NPEPL1: variants seen among roughly 807,000 people sequenced by gnomAD.
The protein encoded by NPEPL1 is probable aminopeptidase NPEPL1.
A neutral mutation model predicts 52.4 loss-of-function variants in NPEPL1; 45 were observed. The observed-to-expected ratio is 0.86, with a 90% CI of 0.68 to 1.10. The LOEUF (loss-of-function observed/expected upper bound fraction) is 1.10. Among genes scored for constraint, NPEPL1 ranks in the 50% least tolerant of loss-of-function variants. NPEPL1 has a pLI of 0.00. For missense variants in NPEPL1, 696 were observed against 710.9 expected (o/e 0.98, Z 0.24); for synonymous variants, 360 against 314.7 (o/e 1.14, Z -1.52).
rs1289770912 is a variant in NPEPL1 at position 58,715,645 on chromosome 20, G to A, written c.*319G>A. The A allele has an allele frequency of 4.1e-6, 1 of 244,376 alleles. No individual in the cohort carries two copies. Among genetic ancestry groups the A allele is most frequent in the Non-Finnish European group, 7.8e-6 (1 of 127,790 alleles). 15.1% of individuals were successfully genotyped at this position (244,376 alleles called of 1,614,324 possible). On this transcript the variant is annotated 3_prime_UTR_variant, in exon 12 of 12. Transcript: ENST00000356091. The stretch of plus-strand genomic sequence containing the variant: ...GCCTGGTGCCCTGTCCCAGCCCCAG[G>A]TCCTGTGCAGGGCACCTGCGTGGCT...
In NPEPL1 at chr20:58,698,348, C is replaced by T. The variant is rs73124367; in HGVS notation, c.508-336C>T. 2.4e-3 allele frequency among the ~76,000 whole-genome samples: 366 copies of T among 152,214 alleles called. 2 individuals carry two copies. The highest frequency in any genetic ancestry group is 4.3e-3 in the Non-Finnish European group (290 of 68,014). ...GGCTGGCATGAGGGCCACCTACCTTCAGTTGTAGCTGGAATCAGGGGAGAA... is the reference window on the plus strand; with the variant it reads ...GGCTGGCATGAGGGCCACCTACCTTTAGTTGTAGCTGGAATCAGGGGAGAA... On this transcript the variant is annotated intron_variant, in intron 3 of 11. Coordinates refer to ENST00000356091, the MANE Select transcript of NPEPL1 (RefSeq NM_024663.4).
intron 6 of NPEPL1, chr20:58,705,580 G>T: frequency 4.4e-6 from 2 of 455,686 alleles, no homozygotes; most frequent in Non-Finnish European, 8.8e-6. Flanking sequence ...GTAAGTGTCA[G>T]CCCCGTGAAA....
intron 7 of NPEPL1, chr20:58,711,511 AC>A (rs1362542886): frequency 1.3e-5 from 2 of 152,236 alleles, no homozygotes; most frequent in East Asian, 3.9e-4. Context: ...TGTGGAGCTG[AC>A]AGGTGGCTCC....
intron 1 of NPEPL1, 55 bp from the exon 2 acceptor site, chr20:58,693,682 T>C: frequency 6.6e-7 from 1 of 1,518,466 alleles, no homozygotes; most frequent in Non-Finnish European, 9.0e-7. Context: ...CAGGGCCTCC[T>C]GGCACGTGGC....
At chr20:58,697,552 G>A (rs1362805494) in intron 3 of NPEPL1, among the ~76,000 whole-genome samples, 2 of 152,200 alleles carry the variant, frequency 1.3e-5, no homozygotes, top group Non-Finnish European at 2.9e-5. Flanking sequence ...GTATCGACCC[G>A]GCGCCTGCTG....
chr20:58,690,776 A>T (rs1401033459), upstream of NPEPL1, among the ~76,000 whole-genome samples: 1 of 152,216 alleles, frequency 6.6e-6, no homozygotes, highest in Non-Finnish European at 1.5e-5. Flanking sequence ...AATATGAAAG[A>T]ATTCTAAAAG....
intron 7 of NPEPL1, 63 bp downstream of exon 7, chr20:58,707,263 CTCCCCTG>C (rs1224679376): frequency 7.2e-7 from 1 of 1,394,768 alleles, no homozygotes; most frequent in African/African-American, 1.4e-5. Context: ...GTGCTCCCCT[CTCCCCTG>C]TCCGTCCCGC....
chr20:58,690,967 C>A, upstream of NPEPL1: 1 of 575,944 alleles, frequency 1.7e-6, no homozygotes, highest in South Asian at 2.2e-5. Flanking sequence ...TTTCCAGGAA[C>A]CTTCTGTTCT....
At chr20:58,702,204 AT>A (rs1334908118) in intron 6 of NPEPL1, among the ~76,000 whole-genome samples, 1 of 152,244 alleles carries the variant, frequency 6.6e-6, no homozygotes, top group Non-Finnish European at 1.5e-5. Context: ...CAAAGCCTGG[AT>A]TTCCGGCCTT....
intron 1 of NPEPL1, chr20:58,693,469 T>TC: frequency 2.5e-6 from 1 of 402,594 alleles, no homozygotes; most frequent in Non-Finnish European, 4.4e-6. Context: ...CTAAGCCCTA[T>TC]CCGAGTGTTG....
chr20:58,702,331 G>A (rs1367947483), intron 6 of NPEPL1, among the ~76,000 whole-genome samples: 1 of 152,170 alleles, frequency 6.6e-6, no homozygotes. Context: ...TTTGCGGTAG[G>A]CCCCACCACT....
At chr20:58,709,726 C>T (rs1164530504) in intron 7 of NPEPL1, among the ~76,000 whole-genome samples, 5 of 152,200 alleles carry the variant, frequency 3.3e-5, no homozygotes, top group Non-Finnish European at 7.3e-5. Flanking sequence ...GGATTCCCAC[C>T]AAAAATGCAT....
At chr20:58,704,560 A>G (rs1448727481) in intron 6 of NPEPL1, among the ~76,000 whole-genome samples, 1 of 152,262 alleles carries the variant, frequency 6.6e-6, no homozygotes, top group African/African-American at 2.4e-5. Context: ...ATCTTCCAAA[A>G]TGAAAAAATA....
At chr20:58,690,976 C>G, upstream of NPEPL1, 6 of 630,052 alleles carry the variant, frequency 9.5e-6, no homozygotes, top group Non-Finnish European at 1.7e-5. Context: ...ACCTTCTGTT[C>G]TAACCACACA....
At position 58,693,949 on chromosome 20, in the gene NPEPL1, C is replaced by T. The variant is rs751182596; in HGVS notation, c.336+27C>T. 2.2e-5 allele frequency: 33 copies of T among 1,532,536 alleles called. No homozygotes were observed. The South Asian group carries it at 2.5e-4, about 12-fold the overall frequency. The allele number at this position is 1,532,536 out of a possible 1,614,324, so 94.9% of individuals were successfully genotyped here. On this transcript the variant is annotated intron_variant, in intron 2 of 11. Transcript: ENST00000356091. ...TGAGTGCTTCGAGAGGAGGCAGCCA[C>T]GGTGCTCCTAGTCGGGCAGCGGTGA...
chr20:58,713,529 C>A lies in NPEPL1; in HGVS notation c.1111C>A (p.Leu371Met), dbSNP rs1166084633. The change falls in exon 9 of 12, where the codon CTG becomes ATG. Residue 371 changes from leucine to methionine, a missense_variant. By Grantham distance (15) the Leu-to-Met change is conservative. Transcript: ENST00000356091. This position sits in a 1 kb window ranked among gnomAD's most constrained non-coding sequence, Gnocchi z 4.6. Reference sequence around the variant, plus strand: ...CGACATCATCCTGGACATGGCCACCCTGACCGGGGCTCAGGTGAGTGCTCC... The same window carrying A: ...CGACATCATCCTGGACATGGCCACCATGACCGGGGCTCAGGTGAGTGCTCC... ...GADIILDMAT[L>M]TGAQGIATGK... The A allele has an allele frequency of 1.2e-6, 2 of 1,607,016 alleles. No individual in the cohort carries two copies. Among genetic ancestry groups the A allele is most frequent in the Non-Finnish European group, 1.7e-6 (2 of 1,176,204 alleles).
At chr20:58,710,136 G>T (rs917977630) in intron 7 of NPEPL1, among the ~76,000 whole-genome samples, 3 of 143,542 alleles carry the variant, frequency 2.1e-5, no homozygotes, top group Admixed American at 7.1e-5. Context: ...CCAGGTTTAA[G>T]TGATTCTCCT....
In NPEPL1 at chr20:58,692,963, CCTG is replaced by C. The variant is rs1201626478; in HGVS notation, c.72_74del (p.Leu25del). 18 of 1,190,738 alleles carry C rather than the reference CCTG, an allele frequency of 1.5e-5. No individual in the cohort carries two copies. The highest frequency in any genetic ancestry group is 3.9e-5 in the South Asian group (2 of 50,692). The allele number at this position is 1,190,738 out of a possible 1,614,324, so 73.8% of individuals were successfully genotyped here. On this transcript the variant is annotated inframe_deletion, in exon 1 of 12. Transcript: ENST00000356091. This position sits in a 1 kb window ranked among gnomAD's most constrained non-coding sequence, Gnocchi z 5.7. Reference sequence around the variant, plus strand: ...GGGACTCGGACCCACAGAGCCGGCCCCTGCTGCTGCTCGGGCAGCTGCACCACC... The same window carrying C: ...GGGACTCGGACCCACAGAGCCGGCCCCTGCTGCTCGGGCAGCTGCACCACC...
chr20:58,714,891 C>T (rs2084922966), intron 11 of NPEPL1: 1 of 608,446 alleles, frequency 1.6e-6, no homozygotes, highest in Non-Finnish European at 2.9e-6. Context: ...CATAGGGGAT[C>T]CTGGGCCCTG....
Sources: gnomAD v4.1 joint callset for allele counts (sites outside exome capture counted in the v4.1 genomes callset) on GRCh38, gnomAD v4.1.1 for gene constraint, Gnocchi (gnomAD v3.1) non-coding constraint, MANE v1.5 for transcripts, NCBI Gene and HGNC (gene_info 2026-07-23, HGNC 2026-07-21) for gene names.